The following VPS39 variants were observed in gnomAD, a reference collection of about 807,000 sequenced individuals.
VPS39 encodes vam6/Vps39-like protein.
VPS39 carries 70 observed loss-of-function variants against 121.0 expected under a neutral mutation model. That is an observed-to-expected ratio of 0.58 (90% CI 0.48 to 0.71). VPS39 has a LOEUF of 0.71. Among genes scored for constraint, VPS39 ranks in the 30% least tolerant of loss-of-function variants. The pLI is 0.00. For synonymous variants in VPS39, 378 were observed against 398.1 expected, an observed-to-expected ratio of 0.95 and a Z score of 0.60; for missense variants, 818 against 1,051.5, an observed-to-expected ratio of 0.78 and a Z score of 3.07.
intron 4 of VPS39, among the ~76,000 whole-genome samples, chr15:42,189,719 A>C (rs2049781785): frequency 1.3e-5 from 1 of 79,798 alleles, no homozygotes; most frequent in African/African-American, 4.5e-5. Flanking sequence ...ACAGAGTGAG[A>C]CTCCGTCTCA....
Position 42,162,318 on chromosome 15 carries a change from G to A in VPS39, c.2325+14C>T, listed in dbSNP as rs145002828. On this transcript the variant is annotated intron_variant, in intron 22 of 24. Coordinates refer to ENST00000318006, the MANE Select transcript of VPS39 (RefSeq NM_015289.5). The stretch of plus-strand genomic sequence containing the variant: ...CTGCAAACACCCTCCATCTCCCTAG[G>A]AACAACTCCTGACCTTGGTGGTGTC... The A allele has an allele frequency of 2.1e-5, 33 of 1,604,814 alleles. No individual in the cohort carries two copies. The highest frequency in any genetic ancestry group is 1.7e-4 in the Middle Eastern group (1 of 6,024).
rs542858101 is a variant in VPS39, at chr15:42,175,920, G to A, written c.961-2068C>T. 1.1e-4 allele frequency among the ~76,000 whole-genome samples: 17 copies of A among 152,170 alleles called. No individual in the cohort carries two copies. In the East Asian group the frequency reaches 2.1e-3, roughly 19 times the overall value. ...AAACGGTCAACTCAAGTGTCCAGCC[G>A]TAGGATGCCTTTTCCAGCCCACAGC... On this transcript the variant is annotated intron_variant, in intron 10 of 24. Transcript: ENST00000318006.
At chr15:42,164,670 C>T (rs780126345) in intron 18 of VPS39, 184 bp from the exon 19 acceptor site, 76 of 1,434,286 alleles carry the variant, frequency 5.3e-5, no homozygotes, top group African/African-American at 5.7e-5. Context: ...CATCAGCTTA[C>T]GGTTAAAAAA....
intron 7 of VPS39, among the ~76,000 whole-genome samples, chr15:42,186,331 C>T (rs2049701186): frequency 6.6e-6 from 1 of 151,594 alleles, no homozygotes; most frequent in Non-Finnish European, 1.5e-5. Context: ...ATCTGGGCTA[C>T]CTGGGAGGCT....
chr15:42,166,807 A>T lies in VPS39; in HGVS notation c.1484T>A (p.Ile495Asn), dbSNP rs1246022846. The T allele has an allele frequency of 6.2e-7, 1 of 1,614,220 alleles. No homozygotes were observed. The highest frequency in any genetic ancestry group is 1.7e-5 in the Admixed American group (1 of 60,026). Residue 495 changes from isoleucine (I) to asparagine (N), a missense_variant, in exon 14 of 25, where the codon ATC becomes AAC. Transcript: ENST00000318006. ...LKKAHKYSEL[I>N]ILYEKKGLHE... ...GAGCCCCTTCTTCTCATACAGGATGATAAGCTCACTGTACTTGTGAGCCTT... is the reference window on the plus strand; with the variant it reads ...GAGCCCCTTCTTCTCATACAGGATGTTAAGCTCACTGTACTTGTGAGCCTT...
chr15:42,193,608 CT>C (rs2049875108), intron 2 of VPS39, among the ~76,000 whole-genome samples: 1 of 152,140 alleles, frequency 6.6e-6, no homozygotes. Context: ...TACTGGTTCA[CT>C]GAGTTATGCA....
rs1367040803 is a variant in VPS39 at position 42,158,974 on chromosome 15, G to A, written c.*1780C>T. The A allele has an allele frequency of 6.6e-6, 1 of 152,260 alleles. No homozygotes were observed. The highest frequency in any genetic ancestry group is 1.5e-5 in the Non-Finnish European group (1 of 68,072). The allele number at this position is 152,260 out of a possible 1,614,324, so 9.4% of individuals were successfully genotyped here. Reference sequence around the variant, plus strand: ...CAGGAAGGCAGGGCACACATGGCAGGTCAAGTTCCTGCTATCCAGGGAGGT... The same window carrying A: ...CAGGAAGGCAGGGCACACATGGCAGATCAAGTTCCTGCTATCCAGGGAGGT... On this transcript the variant is annotated 3_prime_UTR_variant, in exon 25 of 25. Coordinates refer to ENST00000318006, the MANE Select transcript of VPS39 (RefSeq NM_015289.5).
chr15:42,184,814 CA>C, intron 7 of VPS39, 114 bp from the exon 8 acceptor site: 3 of 1,018,532 alleles, frequency 2.9e-6, no homozygotes, highest in Non-Finnish European at 4.3e-6. Context: ...CCTTGTTTGA[CA>C]TAAGAAAATG....
At chr15:42,197,880 G>A (rs769981065) in intron 2 of VPS39, among the ~76,000 whole-genome samples, 2 of 152,086 alleles carry the variant, frequency 1.3e-5, no homozygotes, top group Admixed American at 1.3e-4. Flanking sequence ...ACGGGCCCAG[G>A]TCTATTTCTG....
intron 24 of VPS39, chr15:42,161,298 TG>T (rs2049121495): frequency 2.6e-6 from 1 of 384,292 alleles, no homozygotes; most frequent in Admixed American, 3.7e-5. Flanking sequence ...AGTATGAGTC[TG>T]GCTCAGGATC....
rs2050219576 is a variant in VPS39 at position 42,208,237 on chromosome 15, G to T, written c.-84C>A. On this transcript the variant is annotated 5_prime_UTR_variant, in exon 1 of 25. Coordinates refer to ENST00000318006, the MANE Select transcript of VPS39 (RefSeq NM_015289.5). ...GGTCCGGAACGAGTCTGGGCTAAGG[G>T]TAGACCGGGATCCGGCCAGGAACCC... 2.6e-6 allele frequency: 4 copies of T among 1,514,080 alleles called. No individual in the cohort carries two copies. The African/African-American group carries it at 4.2e-5, about 16-fold the overall frequency. The allele number at this position is 1,514,080 out of a possible 1,614,324, so 93.8% of individuals were successfully genotyped here. A position where few individuals can be genotyped will look rare whatever the true frequency, so the allele number is the denominator to read the frequency against.
At position 42,160,651 on chromosome 15, in the gene VPS39, G is replaced by T; in HGVS notation, c.*103C>A. 1 of 996,014 alleles carries T rather than the reference G, an allele frequency of 1.0e-6. No homozygotes were observed. The highest frequency in any genetic ancestry group is 1.3e-5 in the South Asian group (1 of 76,894). 61.7% of individuals were successfully genotyped at this position (996,014 alleles called of 1,614,324 possible). A position where few individuals can be genotyped will look rare whatever the true frequency, so the allele number is the denominator to read the frequency against. Reference sequence around the variant, plus strand: ...AAGATAGCCAGTAATGTCCAAATGGGGAGCCTTGTGGTGGTGGCAGCCAGG... The same window carrying T: ...AAGATAGCCAGTAATGTCCAAATGGTGAGCCTTGTGGTGGTGGCAGCCAGG... On this transcript the variant is annotated 3_prime_UTR_variant, in exon 25 of 25. Transcript: ENST00000318006.
chr15:42,184,705 AG>A lies in VPS39; in HGVS notation c.535-6del, dbSNP rs1359408827. ...GATGGACCCCTTTCCATCCACCTAT[AG>A]GAAGAAACAGAGTGAGTCACCTAGC... On this transcript the variant is annotated splice_region_variant and splice_polypyrimidine_tract_variant and intron_variant, in intron 7 of 24. Transcript: ENST00000318006. 6.2e-7 allele frequency: 1 copy of A among 1,605,850 alleles called. No individual in the cohort carries two copies. Among genetic ancestry groups the A allele is most frequent in the Non-Finnish European group, 8.5e-7 (1 of 1,176,118 alleles).
At chr15:42,164,924 C>T in intron 18 of VPS39, 72 bp downstream of exon 18, 1 of 1,595,012 alleles carries the variant, frequency 6.3e-7, no homozygotes, top group Middle Eastern at 1.8e-4. Flanking sequence ...CTTACCCCCA[C>T]CACACGTGGC....
chr15:42,178,187 G>A, intron 10 of VPS39, 31 bp downstream of exon 10: 2 of 1,613,068 alleles, frequency 1.2e-6, no homozygotes, highest in Middle Eastern at 3.3e-4. Context: ...AGAACAATAA[G>A]GAAGGAAGAC....
Position 42,164,348 on chromosome 15 carries a change from A to T in VPS39, c.2026+10T>A. 1 of 1,614,016 alleles carries T rather than the reference A, an allele frequency of 6.2e-7. No individual in the cohort carries two copies. Among genetic ancestry groups the T allele is most frequent in the Non-Finnish European group, 8.5e-7 (1 of 1,179,900 alleles). The stretch of plus-strand genomic sequence containing the variant: ...CTGAAGTGGCTTCTGGCCCTAAGCC[A>T]GACACTCACCATCAAAGGGAAAATC... On this transcript the variant is annotated intron_variant, in intron 19 of 24. Coordinates refer to ENST00000318006, the MANE Select transcript of VPS39 (RefSeq NM_015289.5).
At position 42,162,398 on chromosome 15, in the gene VPS39, T is replaced by C; in HGVS notation, c.2259A>G (p.Pro753=). ...GCAGAGCGGCCTGGAGGTTGGCTTTTGGCTCCAGTAGTTCCAGCTTGATTG... is the reference window on the plus strand; with the variant it reads ...GCAGAGCGGCCTGGAGGTTGGCTTTCGGCTCCAGTAGTTCCAGCTTGATTG... ...LGPIKLELLE[P]KANLQAALQV... is the part of the protein sequence containing the mutation. The change falls in exon 22 of 25, where the codon CCA becomes CCG. Residue 753 remains proline, a synonymous_variant. Coordinates refer to ENST00000318006, the MANE Select transcript of VPS39 (RefSeq NM_015289.5). The C allele has an allele frequency of 6.2e-7, 1 of 1,613,894 alleles. No individual in the cohort carries two copies. The highest frequency in any genetic ancestry group is 8.5e-7 in the Non-Finnish European group (1 of 1,179,940).
intron 1 of VPS39, among the ~76,000 whole-genome samples, chr15:42,206,884 A>T (rs2050184589): frequency 6.6e-6 from 1 of 152,184 alleles, no homozygotes; most frequent in Non-Finnish European, 1.5e-5. Context: ...TTCATTTAAA[A>T]ACTTTTTCTC....
Position 42,165,104 on chromosome 15 carries a change from T to G in VPS39, c.1789A>C (p.Ile597Leu). ...GAGCCTGTCTCCTCCCAAACATGGA[T>G]GATGTGTTCCTGAGGCAAGATGTAG... ...GLAIPYLEHI[I>L]HVWEETGSRF... Residue 597 changes from isoleucine to leucine, a missense_variant, in exon 18 of 25, where the codon ATC (isoleucine) becomes CTC (leucine). Physicochemically the swap from Ile to Leu is conservative, Grantham distance 5. Transcript: ENST00000318006. The G allele has an allele frequency of 1.2e-6, 2 of 1,614,192 alleles. No homozygotes were observed. Among genetic ancestry groups the G allele is most frequent in the Non-Finnish European group, 1.7e-6 (2 of 1,180,028 alleles).
Sources: allele counts gnomAD v4.1 joint callset (sites outside exome capture counted in the v4.1 genomes callset), GRCh38; gene constraint gnomAD v4.1.1; transcripts MANE v1.5; gene names NCBI Gene and HGNC (gene_info 2026-07-23, HGNC 2026-07-21).